The following OSBPL1A variants were observed in gnomAD, a reference collection of about 807,000 sequenced individuals.
OSBPL1A encodes the protein oxysterol binding protein like 1A.
A neutral mutation model predicts 137.1 loss-of-function variants in OSBPL1A; 80 were observed. The ratio of observed to expected loss-of-function variants is 0.58; its 90% CI spans 0.49 to 0.70. The LOEUF is 0.70. OSBPL1A is among the 30% of genes least tolerant of loss of function. The pLI is 0.00. For synonymous variants in OSBPL1A, 365 were observed against 389.7 expected (o/e 0.94, Z 0.75); for missense variants, 970 against 1,129.4 (o/e 0.86, Z 2.02).
chr18:24,239,338 G>A lies in OSBPL1A; in HGVS notation c.1326C>T (p.Ile442=), dbSNP rs1344160883. The A allele has an allele frequency of 7.4e-6, 12 of 1,613,990 alleles. No individual in the cohort carries two copies. Among genetic ancestry groups the A allele is most frequent in the Non-Finnish European group, 9.3e-6 (11 of 1,179,940 alleles). Residue 442 remains isoleucine (I), a synonymous_variant, in exon 16 of 28, where the codon ATC becomes ATT. Coordinates refer to ENST00000319481, the MANE Select transcript of OSBPL1A (RefSeq NM_080597.4). ...KLEQEQEKNK[I]LSEALETLAT... is the part of the protein sequence containing the mutation. ...CCAGCGTCTCCAGTGCTTCTGACAA[G>A]ATTTTGTTTTTTTCTTGCTCTTGTT...
At chr18:24,197,004 G>A (rs1282733788) in intron 17 of OSBPL1A, among the ~76,000 whole-genome samples, 5 of 152,190 alleles carry the variant, frequency 3.3e-5, no homozygotes, top group African/African-American at 1.2e-4. Context: ...GGAATGAGGG[G>A]TGGTGCAAGA....
intron 17 of OSBPL1A, among the ~76,000 whole-genome samples, chr18:24,223,366 G>A (rs1465854416): frequency 6.6e-6 from 1 of 152,004 alleles, no homozygotes. Context: ...TTAAAAATAG[G>A]AATTACGTAT....
chr18:24,196,341 G>A, intron 17 of OSBPL1A, 141 bp from the exon 18 acceptor site: 1 of 627,120 alleles, frequency 1.6e-6, no homozygotes, highest in Middle Eastern at 2.8e-4. Context: ...GGCTAAGCAG[G>A]GCTAATCTAG....
chr18:24,380,332 T>C (rs1396080975), intron 1 of OSBPL1A, among the ~76,000 whole-genome samples: 1 of 152,070 alleles, frequency 6.6e-6, no homozygotes, highest in Non-Finnish European at 1.5e-5. Flanking sequence ...ATCCCCAGAG[T>C]GAGGGGAAAC....
At chr18:24,206,662 G>A (rs958970512) in intron 17 of OSBPL1A, among the ~76,000 whole-genome samples, 1 of 152,110 alleles carries the variant, frequency 6.6e-6, no homozygotes, top group African/African-American at 2.4e-5. Context: ...GGGAGACTTC[G>A]AGCATGCTCC....
chr18:24,177,894 C>T, intron 21 of OSBPL1A, 119 bp downstream of exon 21: 1 of 971,480 alleles, frequency 1.0e-6, no homozygotes. Context: ...ACAGTTTGCA[C>T]TGTATGAAAG....
intron 7 of OSBPL1A, among the ~76,000 whole-genome samples, chr18:24,331,631 C>A (rs1413048566): frequency 4.0e-5 from 6 of 151,282 alleles, no homozygotes; most frequent in African/African-American, 1.5e-4. Flanking sequence ...CTCCTGACCT[C>A]GTGATCCGCC....
chr18:24,277,463 C>T (rs566934181), intron 15 of OSBPL1A, among the ~76,000 whole-genome samples: 1 of 152,308 alleles, frequency 6.6e-6, no homozygotes, highest in South Asian at 2.1e-4. Context: ...CCAGTCCCTA[C>T]AGAGGTGTTT....
chr18:24,241,692 T>C (rs1427995164), intron 15 of OSBPL1A, among the ~76,000 whole-genome samples: 11 of 152,164 alleles, frequency 7.2e-5, no homozygotes, highest in Non-Finnish European at 1.3e-4. Context: ...TGTAAACTAG[T>C]TCAACCATTG....
chr18:24,368,271 A>T lies in OSBPL1A; in HGVS notation c.207+16T>A. The T allele has an allele frequency of 6.3e-7, 1 of 1,575,218 alleles. No individual in the cohort carries two copies. The highest frequency in any genetic ancestry group is 8.7e-7 in the Non-Finnish European group (1 of 1,151,904). ...ATATTTACTGTAGTCATTAAAAATT[A>T]AAGTCATAAATAGACCTTCAACAGA... On this transcript the variant is annotated intron_variant, in intron 3 of 27. Transcript: ENST00000319481.
chr18:24,235,908 A>G (rs187997399), intron 16 of OSBPL1A, among the ~76,000 whole-genome samples: 7 of 152,316 alleles, frequency 4.6e-5, no homozygotes, highest in Non-Finnish European at 8.8e-5. Context: ...AGTAGGTCCA[A>G]CGTAATGCCA....
In OSBPL1A at chr18:24,163,091, G is replaced by A. The variant is rs1208852494; in HGVS notation, c.*88C>T. On this transcript the variant is annotated 3_prime_UTR_variant, in exon 28 of 28. Transcript: ENST00000319481. The stretch of plus-strand genomic sequence containing the variant: ...TGTTTTTTCATTTTTTTTTTTAAAA[G>A]ATAAGTAGAAACCAAGGGAAAAAAA... 5.5e-6 allele frequency: 5 copies of A among 909,490 alleles called. No individual in the cohort carries two copies. The highest frequency in any genetic ancestry group is 8.1e-6 in the Non-Finnish European group (5 of 616,324). The allele number at this position is 909,490 out of a possible 1,614,324, so 56.3% of individuals were successfully genotyped here. A position where few individuals can be genotyped will look rare whatever the true frequency, so the allele number is the denominator to read the frequency against.
intron 18 of OSBPL1A, among the ~76,000 whole-genome samples, chr18:24,192,223 C>T (rs2086906513): frequency 6.6e-6 from 1 of 152,090 alleles, no homozygotes; most frequent in African/African-American, 2.4e-5. Flanking sequence ...GCATGAACAC[C>T]AACGACCTAA....
intron 18 of OSBPL1A, among the ~76,000 whole-genome samples, chr18:24,190,004 A>T (rs2086847171): frequency 6.6e-6 from 1 of 152,270 alleles, no homozygotes; most frequent in Non-Finnish European, 1.5e-5. Context: ...GTGGAGAAGA[A>T]GGTAAGAAAA....
chr18:24,175,882 T>C (rs1053628422), intron 21 of OSBPL1A, among the ~76,000 whole-genome samples: 3 of 152,250 alleles, frequency 2.0e-5, no homozygotes, highest in African/African-American at 7.2e-5. Flanking sequence ...CACAGATGGT[T>C]GTCTGTGGAA....
chr18:24,182,480 T>TG (rs2086632719), intron 18 of OSBPL1A, among the ~76,000 whole-genome samples: 1 of 152,180 alleles, frequency 6.6e-6, no homozygotes, highest in Non-Finnish European at 1.5e-5. Flanking sequence ...AGTCCTGAGG[T>TG]GCGTAGTCAG....
intron 21 of OSBPL1A, among the ~76,000 whole-genome samples, chr18:24,174,342 A>AAC (rs539190504): frequency 5.2e-4 from 79 of 152,214 alleles, no homozygotes; most frequent in Non-Finnish European, 1.0e-3. Flanking sequence ...TTTACATTCC[A>AAC]ACACCAACAA....
intron 4 of OSBPL1A, among the ~76,000 whole-genome samples, chr18:24,361,072 C>CAGGCTGG (rs1377999413): frequency 3.9e-5 from 6 of 152,180 alleles, no homozygotes; most frequent in African/African-American, 1.4e-4. Flanking sequence ...CTCAGCTGCC[C>CAGGCTGG]AGGCTGGAGT....
intron 14 of OSBPL1A, among the ~76,000 whole-genome samples, chr18:24,288,525 T>A (rs2090112114): frequency 6.6e-6 from 1 of 152,210 alleles, no homozygotes; most frequent in South Asian, 2.1e-4. Context: ...CCCAGCACTT[T>A]GGGAGGCCAA....
Sources: gnomAD v4.1 joint callset for allele counts (sites outside exome capture counted in the v4.1 genomes callset) on GRCh38, gnomAD v4.1.1 for gene constraint, MANE v1.5 for transcripts, NCBI Gene and HGNC (gene_info 2026-07-23, HGNC 2026-07-21) for gene names.